Variants in DIP2A observed in about 807,000 individuals in gnomAD.
DIP2A encodes disco-interacting protein 2 homolog A.
Under a neutral mutation model 177.4 loss-of-function variants are expected in DIP2A, and 85 were observed. The observed-to-expected ratio is 0.48, with a 90% CI of 0.40 to 0.57. The LOEUF (loss-of-function observed/expected upper bound fraction) is 0.57, where lower values mean the gene tolerates loss of function less well. Ranked by LOEUF, DIP2A falls within the 20% of genes least tolerant of loss-of-function variation. The probability of loss-of-function intolerance (pLI) is 0.00; values close to 1 mark genes in which losing one functional copy is unlikely to be tolerated. For missense variants in DIP2A, 1,791 were observed against 2,100.2 expected (o/e 0.85, Z 2.88); for synonymous variants, 886 against 881.8 (o/e 1.00, Z -0.08).
At chr21:46,566,223 A>G (rs1282849717) in intron 36 of DIP2A, among the ~76,000 whole-genome samples, 2 of 152,296 alleles carry the variant, frequency 1.3e-5, no homozygotes, top group South Asian at 2.1e-4. Context: ...GGTTGTGGTC[A>G]ATGTCCAGAG....
chr21:46,497,943 C>T (rs2057443451), intron 4 of DIP2A, among the ~76,000 whole-genome samples: 2 of 152,108 alleles, frequency 1.3e-5, no homozygotes, highest in South Asian at 4.1e-4. Context: ...AATTGTAAAA[C>T]CCATAATGAA....
intron 1 of DIP2A, among the ~76,000 whole-genome samples, chr21:46,476,984 G>C (rs895906158): frequency 2.6e-5 from 4 of 152,072 alleles, no homozygotes; most frequent in African/African-American, 7.2e-5. Flanking sequence ...TCTGGAAGTT[G>C]ACGTACCCCT....
intron 1 of DIP2A, among the ~76,000 whole-genome samples, chr21:46,467,188 C>G (rs1488881553): frequency 6.7e-6 from 1 of 148,906 alleles, no homozygotes; most frequent in Non-Finnish European, 1.5e-5. Flanking sequence ...CCCAGCTGCT[C>G]GGGAGGCTGA....
Position 46,529,100 on chromosome 21 carries a change from T to C in DIP2A, c.1111T>C (p.Trp371Arg). 1 of 1,507,118 alleles carries C rather than the reference T, an allele frequency of 6.6e-7. No individual in the cohort carries two copies. Among genetic ancestry groups the C allele is most frequent in the Non-Finnish European group, 8.9e-7 (1 of 1,126,258 alleles). The allele number at this position is 1,507,118 out of a possible 1,614,324, so 93.4% of individuals were successfully genotyped here. A position where few individuals can be genotyped will look rare whatever the true frequency, so the allele number is the denominator to read the frequency against. Residue 371 changes from tryptophan (W) to arginine (R), a missense_variant, in exon 9 of 38, where the codon TGG becomes CGG. Physicochemically the swap from Trp to Arg is moderately radical, Grantham distance 101 (BLOSUM62 -3). Transcript: ENST00000417564. Reference sequence around the variant, plus strand: ...TTTTTATTTTGTTTTAGGTAAACTTTGGAGTCGGAGTTTAAAACTAGCTTA... The same window carrying C: ...TTTTTATTTTGTTTTAGGTAAACTTCGGAGTCGGAGTTTAAAACTAGCTTA... ...AVYTLTYGKL[W>R]SRSLKLAYTL...
chr21:46,560,998 C>T (rs950850877), intron 33 of DIP2A: 20 of 985,310 alleles, frequency 2.0e-5, no homozygotes, highest in African/African-American at 3.5e-5. Context: ...TGCCCCACTC[C>T]GGGCGTGCCT....
At position 46,569,905 on chromosome 21, in the gene DIP2A, C is replaced by T. The variant is rs1424455582; in HGVS notation, c.*2283C>T. 3 of 151,076 alleles carry T rather than the reference C, an allele frequency of 2.0e-5. No individual in the cohort carries two copies. Among genetic ancestry groups the T allele is most frequent in the African/African-American group, 7.4e-5 (3 of 40,630 alleles). The allele number at this position is 151,076 out of a possible 1,614,324, so 9.4% of individuals were successfully genotyped here. A position where few individuals can be genotyped will look rare whatever the true frequency, so the allele number is the denominator to read the frequency against. On this transcript the variant is annotated 3_prime_UTR_variant, in exon 38 of 38. Coordinates refer to ENST00000417564, the MANE Select transcript of DIP2A (RefSeq NM_015151.4). The stretch of plus-strand genomic sequence containing the variant: ...CAGCAGCATTCGTATGTAACATAAA[C>T]CCTCTCAGGGATTTATTTTTTCTTT...
At chr21:46,559,611 G>A (rs558314375) in intron 32 of DIP2A, among the ~76,000 whole-genome samples, 5 of 152,366 alleles carry the variant, frequency 3.3e-5, no homozygotes, top group Admixed American at 6.5e-5. Context: ...GCGGCTCTGC[G>A]TCTGCAAGCC....
intron 21 of DIP2A, among the ~76,000 whole-genome samples, chr21:46,548,007 G>A (rs1242943822): frequency 6.6e-6 from 1 of 152,088 alleles, no homozygotes; most frequent in Non-Finnish European, 1.5e-5. Flanking sequence ...AAGGTACTTG[G>A]GAGCCAGGTC....
chr21:46,561,087 C>A (rs1169694676), intron 33 of DIP2A: 24 of 896,234 alleles, frequency 2.7e-5, no homozygotes, highest in Non-Finnish European at 3.2e-5. Flanking sequence ...TGTCACACAA[C>A]CAGGAAGAAT....
Position 46,550,750 on chromosome 21 carries a change from T to C in DIP2A, c.2839+6T>C, listed in dbSNP as rs763418005. 1.9e-6 allele frequency: 3 copies of C among 1,613,752 alleles called. No individual in the cohort carries two copies. Among genetic ancestry groups the C allele is most frequent in the South Asian group, 2.2e-5 (2 of 91,012 alleles). ...ACCTCGTCAGAAACAACCAGGTTAG[T>C]TGAACCTAACAACAGGATGCTCTCT... On this transcript the variant is annotated splice_donor_region_variant and intron_variant, in intron 23 of 37. Coordinates refer to ENST00000417564, the MANE Select transcript of DIP2A (RefSeq NM_015151.4).
the DIP2A span, among the ~76,000 whole-genome samples, chr21:46,579,248 G>A: frequency 6.6e-6 from 1 of 152,224 alleles, no homozygotes; most frequent in African/African-American, 2.4e-5. Flanking sequence ...TGTGCATAGA[G>A]ATGTTTATAG....
At chr21:46,493,043 A>C (rs1225445231) in intron 3 of DIP2A, among the ~76,000 whole-genome samples, 2 of 152,182 alleles carry the variant, frequency 1.3e-5, no homozygotes, top group Non-Finnish European at 2.9e-5. Context: ...AGCCAGGAAG[A>C]GAGCCCTCAC....
chr21:46,466,185 A>G (rs1410257388), intron 1 of DIP2A, among the ~76,000 whole-genome samples: 2 of 152,182 alleles, frequency 1.3e-5, no homozygotes, highest in East Asian at 1.9e-4. Context: ...TGGAAGATCC[A>G]CATAATTTTG....
chr21:46,581,497 G>A, the DIP2A span, among the ~76,000 whole-genome samples: 1 of 152,166 alleles, frequency 6.6e-6, no homozygotes, highest in Admixed American at 6.5e-5. Context: ...TGCTGGAGAG[G>A]TGTTTCAGTC....
chr21:46,540,365 C>T (rs1360346914), intron 17 of DIP2A, among the ~76,000 whole-genome samples: 1 of 152,096 alleles, frequency 6.6e-6, no homozygotes, highest in Non-Finnish European at 1.5e-5. Flanking sequence ...GGAGAAGCAC[C>T]CGGCCTGGTG....
chr21:46,499,827 A>G (rs1385283938), intron 5 of DIP2A, among the ~76,000 whole-genome samples: 1 of 152,208 alleles, frequency 6.6e-6, no homozygotes, highest in Non-Finnish European at 1.5e-5. Context: ...AAGGAAGAAA[A>G]AAAAGTCCAG....
At chr21:46,527,905 C>T (rs981466677) in intron 8 of DIP2A, among the ~76,000 whole-genome samples, 1 of 152,144 alleles carries the variant, frequency 6.6e-6, no homozygotes, top group Non-Finnish European at 1.5e-5. Flanking sequence ...TCACCCCTGC[C>T]TCTGTCGTCC....
chr21:46,547,272 A>G (rs2060091411), intron 21 of DIP2A: 3 of 1,264,626 alleles, frequency 2.4e-6, no homozygotes, highest in Admixed American at 3.6e-5. Flanking sequence ...TAAGGTTTTG[A>G]TGTAAAATTT....
intron 27 of DIP2A, 36 bp from the exon 28 acceptor site, chr21:46,554,786 G>GGGGGGGGGGGGGGGGCCCCCC: frequency 6.6e-7 from 1 of 1,519,116 alleles, no homozygotes; most frequent in Non-Finnish European, 8.8e-7. Flanking sequence ...AGCTTGAGAG[G>GGGGGGGGGGGGGGGGCCCCCC]CCCCGCCCAC....
Sources: allele counts gnomAD v4.1 joint callset (sites outside exome capture counted in the v4.1 genomes callset), GRCh38; gene constraint gnomAD v4.1.1; transcripts MANE v1.5; gene names NCBI Gene and HGNC (gene_info 2026-07-23, HGNC 2026-07-21).